The following N4BP2 variants were observed in gnomAD, a reference collection of about 807,000 sequenced individuals.
N4BP2 encodes NEDD4-binding protein 2.
A neutral mutation model predicts 152.8 loss-of-function variants in N4BP2; 91 were observed. The observed-to-expected ratio is 0.60, with a 90% CI of 0.50 to 0.71. N4BP2 has a LOEUF of 0.71. N4BP2 is among the 30% of genes least tolerant of loss of function. The probability of loss-of-function intolerance (pLI) is 0.00; values close to 1 mark genes in which losing one functional copy is unlikely to be tolerated. For missense variants in N4BP2, 1,923 were observed against 2,059.1 expected (o/e 0.93, Z 1.28); for synonymous variants, 646 against 705.3 (o/e 0.92, Z 1.33).
At chr4:40,142,448 C>T (rs1031391769) in intron 14 of N4BP2, 1 of 462,744 alleles carries the variant, frequency 2.2e-6, no homozygotes. Flanking sequence ...TCTTCAACAT[C>T]TCCCGAGAGT....
At chr4:40,079,545 A>G (rs1713145479) in intron 2 of N4BP2, among the ~76,000 whole-genome samples, 1 of 151,854 alleles carries the variant, frequency 6.6e-6, no homozygotes, top group Non-Finnish European at 1.5e-5. Flanking sequence ...ACACTATTAG[A>G]GATCATGTTT....
In N4BP2 at chr4:40,121,309, T is replaced by A. The variant is rs928389328; in HGVS notation, c.3198T>A (p.Ile1066=). ...INTKSDVQEA[I]PYRVMYDKST... is the part of the protein sequence containing the mutation. ...CAAAATCAGACGTTCAAGAAGCAAT[T>A]CCATATAGAGTAATGTATGATAAAA... Residue 1066 remains isoleucine, a synonymous_variant, in exon 9 of 18, where the codon ATT becomes ATA. Coordinates refer to ENST00000261435, the MANE Select transcript of N4BP2 (RefSeq NM_018177.6). 3 of 1,613,816 alleles carry A rather than the reference T, an allele frequency of 1.9e-6. No homozygotes were observed. The highest frequency in any genetic ancestry group is 2.5e-6 in the Non-Finnish European group (3 of 1,179,992).
the N4BP2 span, among the ~76,000 whole-genome samples, chr4:40,186,673 T>A: frequency 6.6e-6 from 1 of 152,336 alleles, no homozygotes; most frequent in African/African-American, 2.4e-5. Flanking sequence ...CACTTAACAG[T>A]ATATTGTGAG....
chr4:40,135,498 G>C (rs1468387820), intron 13 of N4BP2, among the ~76,000 whole-genome samples: 1 of 152,110 alleles, frequency 6.6e-6, no homozygotes, highest in African/African-American at 2.4e-5. Context: ...GGTATTCCTA[G>C]TTCTAGATCC....
At chr4:40,089,772 T>C (rs915202294) in intron 2 of N4BP2, among the ~76,000 whole-genome samples, 1 of 152,186 alleles carries the variant, frequency 6.6e-6, no homozygotes, top group South Asian at 2.1e-4. Flanking sequence ...CATGCTTTTG[T>C]GTTTTTGCCT....
intron 7 of N4BP2, among the ~76,000 whole-genome samples, chr4:40,115,879 T>G (rs1432144224): frequency 2.6e-5 from 4 of 152,222 alleles, no homozygotes; most frequent in African/African-American, 9.6e-5. Context: ...CTCCTGTATT[T>G]GAGAGATGAA....
At chr4:40,177,017 C>T in the N4BP2 span, among the ~76,000 whole-genome samples, 1 of 152,206 alleles carries the variant, frequency 6.6e-6, no homozygotes, top group Non-Finnish European at 1.5e-5. Context: ...GGATAAGAAC[C>T]CCCTCTTTGG....
chr4:40,061,738 C>T (rs1021343355), intron 1 of N4BP2, among the ~76,000 whole-genome samples: 4 of 148,306 alleles, frequency 2.7e-5, no homozygotes, highest in Admixed American at 6.8e-5. Flanking sequence ...GATCTCGGCT[C>T]ACTGCAACCT....
At chr4:40,168,355 A>G in the N4BP2 span, among the ~76,000 whole-genome samples, 2 of 152,312 alleles carry the variant, frequency 1.3e-5, no homozygotes, top group East Asian at 3.9e-4. Context: ...GTGATAAAGA[A>G]GTATTTAAAG....
chr4:40,146,790 C>T (rs926118495), intron 16 of N4BP2, among the ~76,000 whole-genome samples: 3 of 151,002 alleles, frequency 2.0e-5, no homozygotes, highest in Non-Finnish European at 4.4e-5. Context: ...AAGCTTGTAC[C>T]CTTTGACCAG....
the N4BP2 span, among the ~76,000 whole-genome samples, chr4:40,164,055 G>A: frequency 1.3e-5 from 2 of 152,184 alleles, no homozygotes; most frequent in Non-Finnish European, 2.9e-5. Context: ...GTAGTGATTG[G>A]CGGATAGGTA....
rs1208532189 is a variant in N4BP2 at position 40,103,135 on chromosome 4, T to G, written c.1290T>G (p.Val430=). The stretch of plus-strand genomic sequence containing the variant: ...TACAAGAAACCCCAGTTTCTCAGGT[T>G]GTAAGAAAGAAGACATCTTACGTTG... ...YQVQETPVSQ[V]VRKKTSYVGL... The change falls in exon 4 of 18, where the codon GTT becomes GTG. Residue 430 remains valine (V), a synonymous_variant. Transcript: ENST00000261435. 1 of 1,614,146 alleles carries G rather than the reference T, an allele frequency of 6.2e-7. No individual in the cohort carries two copies. Among genetic ancestry groups the G allele is most frequent in the East Asian group, 2.2e-5 (1 of 44,884 alleles).
intron 16 of N4BP2, among the ~76,000 whole-genome samples, chr4:40,148,250 A>G (rs1056052209): frequency 1.3e-5 from 2 of 152,236 alleles, no homozygotes. Context: ...GGAGCTGGAG[A>G]GCAGCCTGGC....
Position 40,120,414 on chromosome 4 carries a change from G to A in N4BP2, c.2303G>A (p.Gly768Glu). The stretch of plus-strand genomic sequence containing the variant: ...GCAACAGTAACGAAAAAAGCCTTTG[G>A]GAAACAAAAAAGCAAATCGACTTTG... ...ERATVTKKAF[G>E]KQKSKSTLEK... Residue 768 changes from glycine (G) to glutamate (E), a missense_variant, in exon 9 of 18, where the codon GGG (glycine) becomes GAG (glutamate). Physicochemically the swap from Gly to Glu is moderately conservative, Grantham distance 98. Coordinates refer to ENST00000261435, the MANE Select transcript of N4BP2 (RefSeq NM_018177.6). 6 of 1,613,628 alleles carry A rather than the reference G, an allele frequency of 3.7e-6. No individual in the cohort carries two copies. The highest frequency in any genetic ancestry group is 5.1e-6 in the Non-Finnish European group (6 of 1,179,948).
intron 14 of N4BP2, among the ~76,000 whole-genome samples, chr4:40,139,986 G>T (rs1719768616): frequency 6.6e-6 from 1 of 151,312 alleles, no homozygotes; most frequent in Non-Finnish European, 1.5e-5. Flanking sequence ...TTTTTGTAGA[G>T]ATAGGGTTTT....
chr4:40,134,782 T>C (rs565109295), intron 13 of N4BP2, among the ~76,000 whole-genome samples: 3 of 152,200 alleles, frequency 2.0e-5, no homozygotes, highest in Admixed American at 6.5e-5. Flanking sequence ...CTTTAATAAA[T>C]TGAAGAATAG....
At chr4:40,118,265 A>T (rs1017661785) in intron 8 of N4BP2, among the ~76,000 whole-genome samples, 1 of 152,122 alleles carries the variant, frequency 6.6e-6, no homozygotes, top group African/African-American at 2.4e-5. Flanking sequence ...TAAAAGTACA[A>T]AATTAGCCTG....
intron 2 of N4BP2, among the ~76,000 whole-genome samples, chr4:40,089,159 G>A (rs1714288005): frequency 6.6e-6 from 1 of 151,722 alleles, no homozygotes; most frequent in Non-Finnish European, 1.5e-5. Context: ...TCACTATTTT[G>A]TCTAGGCTGG....
Position 40,142,699 on chromosome 4 carries a change from A to G in N4BP2, c.4812A>G (p.Glu1604=), listed in dbSNP as rs140356088. 7.4e-6 allele frequency: 12 copies of G among 1,611,120 alleles called. No homozygotes were observed. The highest frequency in any genetic ancestry group is 1.0e-5 in the Non-Finnish European group (12 of 1,179,158). Residue 1604 remains glutamate, a synonymous_variant, in exon 15 of 18, where the codon GAA becomes GAG. Coordinates refer to ENST00000261435, the MANE Select transcript of N4BP2 (RefSeq NM_018177.6). The part of the protein sequence containing the change: ...KKPKKLKETE[E]TPSELSFQDF... The stretch of plus-strand genomic sequence containing the variant: ...CAAAGAAATTAAAAGAGACTGAAGA[A>G]ACACCAAGTGAACTGTCTTTCCAGG...
Sources: allele counts gnomAD v4.1 joint callset (sites outside exome capture counted in the v4.1 genomes callset), GRCh38; gene constraint gnomAD v4.1.1; transcripts MANE v1.5; gene names NCBI Gene and HGNC (gene_info 2026-07-23, HGNC 2026-07-21).